ZNF184: variants seen among roughly 807,000 people sequenced by gnomAD.
ZNF184 encodes zinc finger protein 184.
ZNF184 carries 16 observed loss-of-function variants against 54.4 expected under a neutral mutation model. The observed-to-expected ratio is 0.29, with a 90% CI of 0.20 to 0.45. The LOEUF (loss-of-function observed/expected upper bound fraction) is 0.45. Ranked by LOEUF, ZNF184 falls within the 20% of genes least tolerant of loss-of-function variation. ZNF184 has a pLI of 1.00. For missense variants in ZNF184, 681 were observed against 888.2 expected, an observed-to-expected ratio of 0.77 and a Z score of 2.97; for synonymous variants, 254 against 295.3, an observed-to-expected ratio of 0.86 and a Z score of 1.43.
chr6:27,467,969 C>A, intron 2 of ZNF184, 49 bp from the exon 3 acceptor site: 1 of 1,383,262 alleles, frequency 7.2e-7, no homozygotes, highest in Admixed American at 2.3e-5. Flanking sequence ...TTTAGCCATT[C>A]CCAGCAATCC....
downstream of ZNF184, chr6:27,450,651 C>T (rs1413271461): frequency 6.6e-6 from 1 of 151,470 alleles, no homozygotes. Context: ...CAGGTGACTC[C>T]AATATGCAAC....
At chr6:27,469,086 T>C (rs1057331296) in intron 2 of ZNF184, among the ~76,000 whole-genome samples, 2 of 152,238 alleles carry the variant, frequency 1.3e-5, no homozygotes, top group African/African-American at 2.4e-5. Flanking sequence ...ATTCTCAAAA[T>C]GACTCGTCTG....
At chr6:27,432,186 G>T in the ZNF184 span, among the ~76,000 whole-genome samples, 1 of 152,070 alleles carries the variant, frequency 6.6e-6, no homozygotes, top group African/African-American at 2.4e-5. This position sits in a 1 kb window ranked among gnomAD's most constrained non-coding sequence, Gnocchi z 4.0. Context: ...AAGAAGGGTT[G>T]GCTTGAAAGC....
chr6:27,451,210 G>C lies in ZNF184; in HGVS notation c.*93C>G. On this transcript the variant is annotated 3_prime_UTR_variant, in exon 6 of 6. Coordinates refer to ENST00000683788, the MANE Select transcript of ZNF184 (RefSeq NM_001318891.2). ...TAGTGAAAATTTAAAAGATTTCAAG[G>C]CAGTTTCTAAATCCACTCTGATTCT... 1.4e-6 allele frequency: 2 copies of C among 1,406,834 alleles called. No homozygotes were observed. Among genetic ancestry groups the C allele is most frequent in the Non-Finnish European group, 1.9e-6 (2 of 1,047,728 alleles). 87.1% of individuals were successfully genotyped at this position (1,406,834 alleles called of 1,614,324 possible). A position where few individuals can be genotyped will look rare whatever the true frequency, so the allele number is the denominator to read the frequency against.
intron 4 of ZNF184, 107 bp from the exon 5 acceptor site, chr6:27,457,028 T>A: frequency 1.9e-6 from 2 of 1,061,880 alleles, no homozygotes; most frequent in Non-Finnish European, 2.8e-6. Flanking sequence ...AGTAAAAACC[T>A]GATGGGAGTG....
At chr6:27,463,580 C>G (rs1215141508) in intron 3 of ZNF184, among the ~76,000 whole-genome samples, 1 of 151,992 alleles carries the variant, frequency 6.6e-6, no homozygotes, top group Non-Finnish European at 1.5e-5. Flanking sequence ...GAAATAACAG[C>G]TGATTATTTT....
At chr6:27,446,685 A>G (rs1431698002), downstream of ZNF184, among the ~76,000 whole-genome samples, 1 of 152,194 alleles carries the variant, frequency 6.6e-6, no homozygotes, top group Non-Finnish European at 1.5e-5. Context: ...TGTGGGGGTA[A>G]CAGCATGCAA....
the ZNF184 span, among the ~76,000 whole-genome samples, chr6:27,420,853 T>A: frequency 1.9e-4 from 29 of 152,206 alleles, no homozygotes; most frequent in Non-Finnish European, 3.8e-4. Context: ...CAGTATTTCC[T>A]TCAGTAGGTG....
the ZNF184 span, among the ~76,000 whole-genome samples, chr6:27,425,505 G>A: frequency 6.6e-6 from 1 of 152,244 alleles, no homozygotes; most frequent in African/African-American, 2.4e-5. Flanking sequence ...AATGAAAGTG[G>A]GAAGTAGGGG....
At chr6:27,439,026 A>G in the ZNF184 span, among the ~76,000 whole-genome samples, 23 of 152,330 alleles carry the variant, frequency 1.5e-4, no homozygotes, top group African/African-American at 5.3e-4. Flanking sequence ...ATATTGAAGA[A>G]GTCACTGTAG....
intron 3 of ZNF184, among the ~76,000 whole-genome samples, chr6:27,466,145 A>G (rs754176357): frequency 4.5e-4 from 7 of 15,714 alleles, no homozygotes; most frequent in Non-Finnish European, 9.7e-4. Context: ...TCAGAGGGAG[A>G]GAGAGAGAGA....
intron 3 of ZNF184, among the ~76,000 whole-genome samples, chr6:27,462,146 C>T (rs1763010474): frequency 6.6e-6 from 1 of 152,100 alleles, no homozygotes; most frequent in South Asian, 2.1e-4. Context: ...CTTAAAAGGC[C>T]TGAAAGGAAC....
chr6:27,439,093 G>C, the ZNF184 span, among the ~76,000 whole-genome samples: 1 of 152,154 alleles, frequency 6.6e-6, no homozygotes, highest in Non-Finnish European at 1.5e-5. Context: ...GAGCCTATTA[G>C]AAATGCTGAA....
At chr6:27,423,355 A>G in the ZNF184 span, among the ~76,000 whole-genome samples, 4 of 152,172 alleles carry the variant, frequency 2.6e-5, no homozygotes, top group African/African-American at 9.7e-5. Flanking sequence ...TTTTTCTAAC[A>G]AAGTGATAAT....
At chr6:27,449,290 T>C (rs1254514627), downstream of ZNF184, among the ~76,000 whole-genome samples, 1 of 152,212 alleles carries the variant, frequency 6.6e-6, no homozygotes, top group African/African-American at 2.4e-5. Context: ...TAGTAGACAA[T>C]TCCTTGCCTC....
chr6:27,465,003 C>A (rs1269411607), intron 3 of ZNF184, among the ~76,000 whole-genome samples: 5 of 74,858 alleles, frequency 6.7e-5, no homozygotes, highest in Non-Finnish European at 9.2e-5. Flanking sequence ...GGCGACAGAG[C>A]AAGACTCTGT....
chr6:27,464,196 G>A (rs943125235), intron 3 of ZNF184, among the ~76,000 whole-genome samples: 5 of 152,010 alleles, frequency 3.3e-5, no homozygotes, highest in Admixed American at 6.6e-5. Context: ...AAAGAATACC[G>A]AAAATGATCA....
At chr6:27,421,541 G>A in the ZNF184 span, among the ~76,000 whole-genome samples, 1 of 152,138 alleles carries the variant, frequency 6.6e-6, no homozygotes, top group Non-Finnish European at 1.5e-5. Flanking sequence ...TGAAGTATCT[G>A]TCCACGTACA....
chr6:27,424,458 G>A, the ZNF184 span, among the ~76,000 whole-genome samples: 1 of 152,168 alleles, frequency 6.6e-6, no homozygotes, highest in African/African-American at 2.4e-5. Context: ...CGAGTGGTCT[G>A]TTTTGACAGG....
Sources: gnomAD v4.1 joint callset for allele counts (sites outside exome capture counted in the v4.1 genomes callset) on GRCh38, gnomAD v4.1.1 for gene constraint, Gnocchi (gnomAD v3.1) non-coding constraint, MANE v1.5 for transcripts, NCBI Gene and HGNC (gene_info 2026-07-23, HGNC 2026-07-21) for gene names.